DAB1: variants seen among roughly 807,000 people sequenced by gnomAD.
The protein encoded by DAB1 is DAB adaptor protein 1, also known as disabled homolog 1.
In DAB1, 15 loss-of-function variants were observed where a neutral mutation model predicts 64.6. That is an observed-to-expected ratio of 0.23 (90% CI 0.16 to 0.36). The LOEUF is 0.36. Ranked by LOEUF, DAB1 falls within the 10% of genes least tolerant of loss-of-function variation. The pLI is 1.00. For missense variants in DAB1, 596 were observed against 706.7 expected, an observed-to-expected ratio of 0.84 and a Z score of 1.78; for synonymous variants, 235 against 251.9, an observed-to-expected ratio of 0.93 and a Z score of 0.64.
intron 7 of DAB1, among the ~76,000 whole-genome samples, chr1:57,552,665 C>A (rs1445712211): frequency 6.6e-6 from 1 of 152,138 alleles, no homozygotes; most frequent in Non-Finnish European, 1.5e-5. Flanking sequence ...CTCATTGTTA[C>A]AAAAGATACA....
rs181367524 is a variant in DAB1, at chr1:58,020,900, G to A, written n.387+129611C>T. On this transcript the variant is annotated intron_variant and non_coding_transcript_variant, in intron 5 of 20. Transcript: ENST00000485760. ...CACCTGTAATCCCAGCTACTTGCGA[G>A]GCTGAGGCAGGAGAATCACTTGAAC... is the stretch of plus-strand genomic sequence containing the variant. Among the ~76,000 whole-genome samples, 116 of 152,242 alleles carry A rather than the reference G, an allele frequency of 7.6e-4. 1 individual carries two copies. Among genetic ancestry groups the A allele is most frequent in the African/African-American group, 2.6e-3 (110 of 41,544 alleles).
At chr1:57,210,310 A>G (rs923494777) in intron 2 of DAB1, among the ~76,000 whole-genome samples, 1 of 152,226 alleles carries the variant, frequency 6.6e-6, no homozygotes, top group Non-Finnish European at 1.5e-5. Context: ...CTTGCAAAGG[A>G]CAATAAGATA....
chr1:58,122,988 A>G (rs1337658184), intron 5 of DAB1, among the ~76,000 whole-genome samples: 1 of 152,174 alleles, frequency 6.6e-6, no homozygotes, highest in Admixed American at 6.5e-5. Flanking sequence ...AGAAGTGAGA[A>G]AGTCCTGAAA....
chr1:58,350,116 T>C (rs1644037329), intron 3 of DAB1, among the ~76,000 whole-genome samples: 1 of 152,150 alleles, frequency 6.6e-6, no homozygotes, highest in South Asian at 2.1e-4. Flanking sequence ...CTCTCCAGTA[T>C]CTGTTTTTTC....
chr1:58,197,860 A>G (rs1234127850), intron 4 of DAB1, among the ~76,000 whole-genome samples: 1 of 152,170 alleles, frequency 6.6e-6, no homozygotes, highest in Admixed American at 6.5e-5. Context: ...TCACTTGGAA[A>G]TTGAGCCCCA....
At position 57,015,096 on chromosome 1, in the gene DAB1, C is replaced by G; in HGVS notation, c.1231G>C (p.Gly411Arg). 6.2e-7 allele frequency: 1 copy of G among 1,614,156 alleles called. No homozygotes were observed. Among genetic ancestry groups the G allele is most frequent in the Non-Finnish European group, 8.5e-7 (1 of 1,180,036 alleles). Residue 411 changes from glycine to arginine, a missense_variant, in exon 12 of 15, where the codon GGC becomes CGC. Gly to Arg is a moderately radical substitution (Grantham distance 125). Transcript: ENST00000371236. ...PQTDKPRQKMGKETFKDFQMA... is the reference protein window; with the variant it reads ...PQTDKPRQKMRKETFKDFQMA... ...TGGAAATCCTTAAACGTTTCTTTGC[C>G]CATTTTCTGCCTGGGCTTGTCGGTC... is the stretch of plus-strand genomic sequence containing the variant.
At chr1:57,283,659 T>C (rs962756425) in intron 2 of DAB1, among the ~76,000 whole-genome samples, 3 of 152,222 alleles carry the variant, frequency 2.0e-5, no homozygotes, top group Non-Finnish European at 4.4e-5. Context: ...AACTTCAGTT[T>C]ATCTAATTCT....
At chr1:57,969,316 T>C (rs977506730) in intron 5 of DAB1, among the ~76,000 whole-genome samples, 2 of 152,108 alleles carry the variant, frequency 1.3e-5, no homozygotes, top group Non-Finnish European at 2.9e-5. Flanking sequence ...AATGTTAATA[T>C]ATGTATGTTT....
At chr1:57,017,240 A>T (rs956775971) in intron 11 of DAB1, among the ~76,000 whole-genome samples, 4 of 152,156 alleles carry the variant, frequency 2.6e-5, no homozygotes, top group Non-Finnish European at 5.9e-5. Context: ...GGCAGAGCAG[A>T]GAACAGAGAA....
intron 5 of DAB1, among the ~76,000 whole-genome samples, chr1:57,996,500 G>A (rs188704682): frequency 5.3e-5 from 8 of 152,074 alleles, no homozygotes; most frequent in Admixed American, 2.6e-4. Context: ...TGAAATTCAC[G>A]TTCTTTATCT....
intron 6 of DAB1, among the ~76,000 whole-genome samples, chr1:57,798,875 G>C (rs1282522683): frequency 6.6e-6 from 1 of 152,154 alleles, no homozygotes; most frequent in Admixed American, 6.5e-5. Flanking sequence ...TTTGGGGGAA[G>C]GTATTACATA....
chr1:58,540,470 G>A (rs1646588780), intron 1 of DAB1, among the ~76,000 whole-genome samples: 1 of 151,748 alleles, frequency 6.6e-6, no homozygotes, highest in South Asian at 2.1e-4. Context: ...AAGGATATTA[G>A]TTATTGTAAC....
intron 3 of DAB1, among the ~76,000 whole-genome samples, chr1:58,376,028 A>G (rs1035647635): frequency 1.3e-5 from 2 of 151,106 alleles, no homozygotes; most frequent in African/African-American, 4.9e-5. Context: ...CGGTGGTGAT[A>G]TCCCCTTTAT....
chr1:57,728,331 C>T (rs1033818399), intron 6 of DAB1, among the ~76,000 whole-genome samples: 3 of 152,080 alleles, frequency 2.0e-5, no homozygotes, highest in Admixed American at 6.6e-5. Flanking sequence ...CGGTGGCTCA[C>T]GCCTGTAATC....
chr1:57,402,837 C>T (rs1269518396), intron 1 of DAB1, among the ~76,000 whole-genome samples: 1 of 152,008 alleles, frequency 6.6e-6, no homozygotes, highest in Non-Finnish European at 1.5e-5. Flanking sequence ...TCCCAGGACC[C>T]TTCCTCTGAA....
At chr1:57,999,007 A>G (rs1233963784) in intron 5 of DAB1, among the ~76,000 whole-genome samples, 1 of 152,206 alleles carries the variant, frequency 6.6e-6, no homozygotes, top group Admixed American at 6.5e-5. Context: ...GTACTTTGTT[A>G]CTGAAAAGCC....
At chr1:57,773,592 T>C (rs1202178986) in intron 6 of DAB1, among the ~76,000 whole-genome samples, 1 of 152,062 alleles carries the variant, frequency 6.6e-6, no homozygotes, top group East Asian at 1.9e-4. Context: ...CCCAAGGTTA[T>C]GAATATTTGA....
intron 6 of DAB1, among the ~76,000 whole-genome samples, chr1:57,753,881 C>T (rs1648669965): frequency 6.6e-6 from 1 of 152,180 alleles, no homozygotes; most frequent in South Asian, 2.1e-4. Context: ...ACTTCCAATT[C>T]TAGAGGTAAG....
chr1:58,429,705 T>A (rs1035894259), intron 3 of DAB1, among the ~76,000 whole-genome samples: 2 of 152,112 alleles, frequency 1.3e-5, no homozygotes, highest in Admixed American at 1.3e-4. Flanking sequence ...ATGGTCCAAT[T>A]TGGTGTCTTC....
Sources: gnomAD v4.1 joint callset for allele counts (sites outside exome capture counted in the v4.1 genomes callset) on GRCh38, gnomAD v4.1.1 for gene constraint, MANE v1.5 for transcripts, NCBI Gene and HGNC (gene_info 2026-07-23, HGNC 2026-07-21) for gene names.